Variants in BMPER observed in about 807,000 individuals in gnomAD.
BMPER encodes the protein BMP binding endothelial regulator.
In BMPER, 45 loss-of-function variants were observed where a neutral mutation model predicts 87.3. The ratio of observed to expected loss-of-function variants is 0.52; its 90% CI spans 0.41 to 0.66. The LOEUF (loss-of-function observed/expected upper bound fraction) is 0.66. BMPER is among the 30% of genes least tolerant of loss of function. BMPER has a pLI of 0.00. For missense variants in BMPER, 784 were observed against 867.5 expected, an observed-to-expected ratio of 0.90 and a Z score of 1.21; for synonymous variants, 326 against 316.2, an observed-to-expected ratio of 1.03 and a Z score of -0.33.
At chr7:33,906,455 T>A (rs545795835) in intron 1 of BMPER, among the ~76,000 whole-genome samples, 116 of 125,522 alleles carry the variant, frequency 9.2e-4, no homozygotes, top group African/African-American at 3.1e-3. Flanking sequence ...AGGGTTTTTT[T>A]AAATTTTATT....
At chr7:33,953,685 C>T (rs1303884244) in intron 3 of BMPER, among the ~76,000 whole-genome samples, 1 of 152,132 alleles carries the variant, frequency 6.6e-6, no homozygotes, top group African/African-American at 2.4e-5. Flanking sequence ...TTAAAATATA[C>T]AATTTGATGG....
intron 6 of BMPER, among the ~76,000 whole-genome samples, chr7:33,991,680 G>T (rs1420507992): frequency 4.0e-5 from 6 of 151,544 alleles, no homozygotes. Context: ...GTTTGCTCTT[G>T]CTTTTCTAGT....
At chr7:33,979,592 G>C (rs1388901607) in intron 6 of BMPER, among the ~76,000 whole-genome samples, 1 of 152,030 alleles carries the variant, frequency 6.6e-6, no homozygotes, top group Non-Finnish European at 1.5e-5. Flanking sequence ...TGAGACTTCT[G>C]CCCTTCCAAG....
chr7:33,998,713 G>A (rs1028221496), intron 6 of BMPER, among the ~76,000 whole-genome samples: 1 of 152,196 alleles, frequency 6.6e-6, no homozygotes, highest in Non-Finnish European at 1.5e-5. Flanking sequence ...GGATCTGTGT[G>A]GGGAGCAGCC....
At chr7:34,132,229 C>G (rs1790611232) in intron 13 of BMPER, among the ~76,000 whole-genome samples, 1 of 152,174 alleles carries the variant, frequency 6.6e-6, no homozygotes, top group African/African-American at 2.4e-5. Flanking sequence ...CATTTGCTCT[C>G]AAGTGCCAGC....
At chr7:34,077,616 T>G (rs1041891813) in intron 11 of BMPER, among the ~76,000 whole-genome samples, 6 of 152,244 alleles carry the variant, frequency 3.9e-5, no homozygotes, top group African/African-American at 1.4e-4. Context: ...AAGTTCCAAA[T>G]GTATGTGCTT....
rs985227661 is a variant in BMPER at position 34,155,056 on chromosome 7, G to A, written c.*1783G>A. The A allele has an allele frequency of 1.6e-4, 25 of 152,120 alleles. No homozygotes were observed. The highest frequency in any genetic ancestry group is 5.6e-4 in the African/African-American group (23 of 41,424). The allele number at this position is 152,120 out of a possible 1,614,324, so 9.4% of individuals were successfully genotyped here. On this transcript the variant is annotated 3_prime_UTR_variant, in exon 15 of 15. Transcript: ENST00000649409. ...AGAGGCCATGTAGTATAGTGAGCAG[G>A]GTTGAGAATCGGGAAAACTAGACCC... is the stretch of plus-strand genomic sequence containing the variant.
chr7:34,087,630 C>T (rs1319440875), intron 13 of BMPER, among the ~76,000 whole-genome samples: 1 of 152,176 alleles, frequency 6.6e-6, no homozygotes. Flanking sequence ...ATAGTCAGCG[C>T]TCTATAATTG....
At chr7:34,011,583 CAAAAAA>C (rs36022297) in intron 6 of BMPER, among the ~76,000 whole-genome samples, 15 of 45,764 alleles carry the variant, frequency 3.3e-4, no homozygotes, top group Non-Finnish European at 3.8e-4. Context: ...TTGGTCAGGG[CAAAAAA>C]AAAAAAAAAA....
chr7:34,143,692 C>T (rs190639505), intron 14 of BMPER, among the ~76,000 whole-genome samples: 1 of 152,286 alleles, frequency 6.6e-6, no homozygotes, highest in East Asian at 1.9e-4. Flanking sequence ...ATGTGTGAAG[C>T]AAAGGAGATT....
chr7:33,962,341 T>C (rs1277521927), intron 3 of BMPER, among the ~76,000 whole-genome samples: 1 of 152,184 alleles, frequency 6.6e-6, no homozygotes, highest in Non-Finnish European at 1.5e-5. Context: ...CCAAAATATA[T>C]ACAAAAGAAA....
chr7:34,075,999 G>A (rs1000728463), intron 11 of BMPER, among the ~76,000 whole-genome samples: 2 of 152,176 alleles, frequency 1.3e-5, no homozygotes, highest in Admixed American at 6.5e-5. Flanking sequence ...CATCTTCACA[G>A]TCATGATATT....
At chr7:33,908,730 T>C (rs1783881619) in intron 2 of BMPER, among the ~76,000 whole-genome samples, 2 of 152,204 alleles carry the variant, frequency 1.3e-5, no homozygotes, top group Non-Finnish European at 2.9e-5. Context: ...TCTAAATGTG[T>C]AATATTAGGA....
intron 6 of BMPER, among the ~76,000 whole-genome samples, chr7:34,040,812 A>C (rs537560585): frequency 1.3e-5 from 2 of 152,274 alleles, no homozygotes; most frequent in Admixed American, 1.3e-4. Flanking sequence ...CATCTTGTTT[A>C]AAATGTAAAA....
At chr7:33,984,454 G>C (rs1313249099) in intron 6 of BMPER, among the ~76,000 whole-genome samples, 6 of 151,848 alleles carry the variant, frequency 4.0e-5, no homozygotes, top group African/African-American at 1.5e-4. Flanking sequence ...AACAGAGCAA[G>C]AGTCCGTCTC....
At chr7:34,093,030 T>C (rs1789432232) in intron 13 of BMPER, among the ~76,000 whole-genome samples, 1 of 152,210 alleles carries the variant, frequency 6.6e-6, no homozygotes, top group Non-Finnish European at 1.5e-5. Context: ...CTCTCACTTC[T>C]GACACCACAA....
chr7:33,991,381 T>C lies in BMPER; in HGVS notation c.576+16597T>C, dbSNP rs542738366. Among the ~76,000 whole-genome samples the C allele has an allele frequency of 8.6e-3, 1,306 of 152,248 alleles. 17 individuals carry two copies. The highest frequency in any genetic ancestry group is 0.03 in the African/African-American group (1,235 of 41,536). On this transcript the variant is annotated intron_variant, in intron 6 of 14. Coordinates refer to ENST00000649409, the MANE Select transcript of BMPER (RefSeq NM_001365308.1). ...GGTCCAGGAATTTATCCATTTCTTC[T>C]AGATTTTCTAGTTTATTTGCGTAGA...
At chr7:33,971,948 G>C (rs1356227599) in intron 5 of BMPER, among the ~76,000 whole-genome samples, 1 of 152,130 alleles carries the variant, frequency 6.6e-6, no homozygotes, top group Non-Finnish European at 1.5e-5. Flanking sequence ...TGTCGCCCCG[G>C]CTGAAGTACA....
chr7:34,092,003 C>T lies in BMPER; in HGVS notation c.1745+5911C>T, dbSNP rs1306429410. On this transcript the variant is annotated intron_variant, in intron 13 of 14. Transcript: ENST00000649409. ...CCCTTTTGTATTTCACCCAGCACCA[C>T]CCATAGAAGGGCTGCTTCTCCTAGC... Among the ~76,000 whole-genome samples the T allele has an allele frequency of 3.3e-5, 5 of 152,170 alleles. No homozygotes were observed. In the South Asian group the frequency reaches 6.2e-4, roughly 19 times the overall value.
Sources: gnomAD v4.1 joint callset for allele counts (sites outside exome capture counted in the v4.1 genomes callset) on GRCh38, gnomAD v4.1.1 for gene constraint, MANE v1.5 for transcripts, NCBI Gene and HGNC (gene_info 2026-07-23, HGNC 2026-07-21) for gene names.